The following DRP2 variants were observed in gnomAD, a reference collection of about 807,000 sequenced individuals.
The protein encoded by DRP2 is dystrophin related protein 2.
In DRP2, 29 loss-of-function variants were observed where a neutral mutation model predicts 78.2. The observed-to-expected ratio is 0.37, with a 90% CI of 0.28 to 0.51. The LOEUF is 0.51. DRP2 is among the 20% of genes least tolerant of loss of function. DRP2 has a pLI of 0.94. For synonymous variants in DRP2, 290 were observed against 281.9 expected, an observed-to-expected ratio of 1.03 and a Z score of -0.29; for missense variants, 686 against 770.6, an observed-to-expected ratio of 0.89 and a Z score of 1.30.
Position 101,260,157 on chromosome X carries a change from A to T in DRP2, c.2737A>T (p.Thr913Ser), listed in dbSNP as rs1377068595. 8.3e-7 allele frequency: 1 copy of T among 1,211,211 alleles called. No homozygotes were observed. The highest frequency in any genetic ancestry group is 1.1e-6 in the Non-Finnish European group (1 of 895,345). The change falls in exon 23 of 24, where the codon ACC (threonine) becomes TCC (serine). Residue 913 changes from threonine (T) to serine (S), a missense_variant. Around this residue, in one of 2 missense-constraint regions of DRP2, gnomAD observed 423 missense variants for 531.5 expected, o/e 0.80. Transcript: ENST00000395209. ...GGAGAAGGGACAGACTACTCCAGAT[A>T]CCGAGGCTGCAGGTGAGTTCCCCTG... ...PREKGQTTPD[T>S]EAADDVGSKS... is the part of the protein sequence containing the mutation.
At chrX:101,249,605 T>C (rs1219482620) in intron 14 of DRP2, among the ~76,000 whole-genome samples, 1 of 111,249 alleles carries the variant, frequency 9.0e-6, no homozygotes, top group Non-Finnish European at 1.9e-5. Flanking sequence ...TTTTAAAAAG[T>C]AAGGAAATGG....
chrX:101,233,374 C>A (rs933601927), intron 3 of DRP2, among the ~76,000 whole-genome samples: 26 of 111,118 alleles, frequency 2.3e-4, no homozygotes, highest in African/African-American at 8.5e-4. Context: ...AGAGCTAGAA[C>A]GACTCCCTGC....
At chrX:101,251,167 C>A in intron 16 of DRP2, 84 bp downstream of exon 16, 1 of 898,168 alleles carries the variant, frequency 1.1e-6, no homozygotes, top group Non-Finnish European at 1.5e-6. Flanking sequence ...TAAAGTGTCA[C>A]CTAATTATTA....
chrX:101,260,284 G>A (rs1452668172), intron 23 of DRP2, 115 bp downstream of exon 23: 2 of 1,040,520 alleles, frequency 1.9e-6, no homozygotes, highest in Admixed American at 2.8e-5. Flanking sequence ...TTTGTGCTTA[G>A]GGTCAGGGAT....
chrX:101,222,530 C>T lies in DRP2; in HGVS notation c.-166-2074C>T, dbSNP rs755079618. Among the ~76,000 whole-genome samples, 23 of 111,699 alleles carry T rather than the reference C, an allele frequency of 2.1e-4. No homozygotes were observed. The South Asian group carries it at 8.6e-3, about 42-fold the overall frequency. On this transcript the variant is annotated intron_variant, in intron 1 of 23. Coordinates refer to ENST00000395209, the MANE Select transcript of DRP2 (RefSeq NM_001939.3). ...CCCAACTGCTGCTTCTCTAGCAGGT[C>T]CCCTCCTGTGAAACTAGTTCCAGGA...
At chrX:101,233,238 G>A (rs1162918026) in intron 3 of DRP2, among the ~76,000 whole-genome samples, 5 of 112,122 alleles carry the variant, frequency 4.5e-5, no homozygotes, top group Admixed American at 2.8e-4. Flanking sequence ...CATGGGTAGA[G>A]CCCAGCTCAT....
intron 1 of DRP2, among the ~76,000 whole-genome samples, chrX:101,222,520 T>A (rs751664596): frequency 1.8e-3 from 203 of 111,859 alleles, no homozygotes; most frequent in Non-Finnish European, 2.8e-3. Flanking sequence ...CTGCTGCTTC[T>A]CTAGCAGGTC....
At chrX:101,237,186 G>C (rs1426097335) in intron 4 of DRP2, among the ~76,000 whole-genome samples, 1 of 112,017 alleles carries the variant, frequency 8.9e-6, no homozygotes, top group African/African-American at 3.2e-5. Flanking sequence ...CCTGCTCAGA[G>C]GGCAGTTCGG....
At chrX:101,239,996 T>C (rs1272167528) in intron 6 of DRP2, among the ~76,000 whole-genome samples, 1 of 111,015 alleles carries the variant, frequency 9.0e-6, no homozygotes, top group Non-Finnish European at 1.9e-5. Context: ...TGAGCTATGA[T>C]TGCTCCACTG....
chrX:101,231,304 A>G (rs1031334709), intron 2 of DRP2, among the ~76,000 whole-genome samples: 20 of 112,299 alleles, frequency 1.8e-4, no homozygotes, highest in Non-Finnish European at 3.4e-4. Context: ...AATTATCAGC[A>G]TACATGACTG....
rs1923122830 is a variant in DRP2 at position 101,250,988 on chromosome X, G to C, written c.1770G>C (p.Val590=). The C allele has an allele frequency of 5.0e-6, 6 of 1,211,936 alleles. No individual in the cohort carries two copies. The African/African-American group carries it at 6.9e-5, about 14-fold the overall frequency. The change falls in exon 16 of 24, where the codon GTG becomes GTC. Residue 590 remains valine, a synonymous_variant. Coordinates refer to ENST00000395209, the MANE Select transcript of DRP2 (RefSeq NM_001939.3). ...TCAACCTGGAGCCCCAGTCCATGGT[G>C]TGGCTGGCTGTTCTGCATCGGGTCA... ...EWVNLEPQSM[V]WLAVLHRVTI...
intron 19 of DRP2, 49 bp downstream of exon 19, chrX:101,254,973 G>A (rs375672887): frequency 1.2e-5 from 14 of 1,192,442 alleles, no homozygotes; most frequent in East Asian, 8.9e-5. Flanking sequence ...TAGGAAGTCC[G>A]AGGGGAAAGG....
intron 2 of DRP2, among the ~76,000 whole-genome samples, chrX:101,227,347 G>A (rs1922155605): frequency 8.9e-6 from 1 of 111,742 alleles, no homozygotes; most frequent in Non-Finnish European, 1.9e-5. Context: ...ATCTCTCATA[G>A]CCTTTGCAAA....
intron 2 of DRP2, among the ~76,000 whole-genome samples, chrX:101,228,579 C>G (rs189356253): frequency 9.0e-6 from 1 of 111,492 alleles, no homozygotes; most frequent in Non-Finnish European, 1.9e-5. Context: ...CCCATGGCCT[C>G]AGTCACAGTG....
chrX:101,258,989 T>C (rs1923452219), intron 22 of DRP2, among the ~76,000 whole-genome samples: 2 of 112,062 alleles, frequency 1.8e-5, no homozygotes. Flanking sequence ...GTGTTTCTTG[T>C]TACTTTTTGC....
chrX:101,253,991 T>TA (rs200781205), intron 17 of DRP2, among the ~76,000 whole-genome samples: 135 of 109,644 alleles, frequency 1.2e-3, no homozygotes, highest in African/African-American at 4.4e-3. Context: ...GTTTAAAGTA[T>TA]AAAAAAAAGG....
chrX:101,229,940 C>T lies in DRP2; in HGVS notation c.-63-1645C>T, dbSNP rs1602910350. 3.6e-5 allele frequency among the ~76,000 whole-genome samples: 4 copies of T among 112,252 alleles called. 1 individual carries two copies. In the Admixed American group the frequency reaches 3.8e-4, roughly 11 times the overall value. Reference sequence around the variant, plus strand: ...CTCAAGCATAGCTTATTATGCAACACTGCCCCTATTCCCTACACAGCAAAT... The same window carrying T: ...CTCAAGCATAGCTTATTATGCAACATTGCCCCTATTCCCTACACAGCAAAT... On this transcript the variant is annotated intron_variant, in intron 2 of 23. Transcript: ENST00000395209.
intron 11 of DRP2, among the ~76,000 whole-genome samples, chrX:101,246,483 C>A (rs144936975): frequency 0.012 from 1,313 of 112,310 alleles, 24 homozygotes; most frequent in African/African-American, 0.041. Context: ...TGGGTCATTT[C>A]TTGTTTTAAG....
Position 101,236,117 on chromosome X carries a change from C to G in DRP2, c.281+94C>G, listed in dbSNP as rs930835595. The G allele has an allele frequency of 1.6e-5, 16 of 996,665 alleles. No individual in the cohort carries two copies. The African/African-American group carries it at 2.9e-4, about 18-fold the overall frequency. 82.1% of individuals were successfully genotyped at this position (996,665 alleles called of 1,213,427 possible). On this transcript the variant is annotated intron_variant, in intron 4 of 23. Coordinates refer to ENST00000395209, the MANE Select transcript of DRP2 (RefSeq NM_001939.3). ...CTTCTCCTCTCAGCCTGTGCATCCC[C>G]CTTTCCTTAGCCCACCCACTTCTCC... is the stretch of plus-strand genomic sequence containing the variant.
Sources: gnomAD v4.1 joint callset for allele counts (sites outside exome capture counted in the v4.1 genomes callset) on GRCh38, gnomAD v4.1.1 for gene constraint, gnomAD v4.1.1 regional missense constraint, MANE v1.5 for transcripts, NCBI Gene and HGNC (gene_info 2026-07-23, HGNC 2026-07-21) for gene names.